Variants in HBEGF observed in about 807,000 individuals in gnomAD.
HBEGF encodes proheparin-binding EGF-like growth factor.
A neutral mutation model predicts 19.5 loss-of-function variants in HBEGF; 8 were observed. The ratio of observed to expected loss-of-function variants is 0.41; its 90% CI spans 0.24 to 0.74. The LOEUF is 0.74. HBEGF is among the 30% of genes least tolerant of loss of function. The probability of loss-of-function intolerance (pLI) is 0.32; values close to 1 mark genes in which losing one functional copy is unlikely to be tolerated. For missense variants in HBEGF, 207 were observed against 256.9 expected (o/e 0.81, Z 1.33); for synonymous variants, 97 against 108.9 (o/e 0.89, Z 0.68).
Position 140,342,636 on chromosome 5 carries a change from T to C in HBEGF, c.397A>G (p.Ile133Val). The C allele has an allele frequency of 1.2e-6, 2 of 1,614,044 alleles. No individual in the cohort carries two copies. The highest frequency in any genetic ancestry group is 2.2e-5 in the South Asian group (2 of 91,080). The change falls in exon 3 of 6, where the codon ATC (isoleucine) becomes GTC (valine). Residue 133 changes from isoleucine (I) to valine (V), a missense_variant and splice_region_variant. This residue lies in a region of HBEGF where 77 missense variants were observed against 106.9 expected (regional missense o/e 0.72). Coordinates refer to ENST00000230990, the MANE Select transcript of HBEGF (RefSeq NM_001945.3). ...CAGCCCTGGGGAAGGGGCACTTACA[T>C]GCAGGAGGGAGCCCGGAGCTCCTTC... ...YVKELRAPSC[I>V]CHPGYHGERC...
chr5:140,344,619 C>T (rs943365780), intron 2 of HBEGF, among the ~76,000 whole-genome samples: 1 of 151,994 alleles, frequency 6.6e-6, no homozygotes, highest in African/African-American at 2.4e-5. Context: ...GAAGTAGGTG[C>T]CAGCAGCCCC....
chr5:140,344,136 TA>T lies in HBEGF; in HGVS notation c.221-1325del, dbSNP rs5871732. 6.0e-3 allele frequency among the ~76,000 whole-genome samples: 825 copies of T among 137,986 alleles called. 1 individual carries two copies. Among genetic ancestry groups the T allele is most frequent in the African/African-American group, 9.5e-3 (356 of 37,590 alleles). 90.5% of individuals were successfully genotyped at this position (137,986 alleles called of 152,430 possible). A position where few individuals can be genotyped will look rare whatever the true frequency, so the allele number is the denominator to read the frequency against. On this transcript the variant is annotated intron_variant, in intron 2 of 5. Transcript: ENST00000230990. ...CTGGGTGACAGAGTGAGACTATGTTTAAAAAAAAAAAAAAGAAAAAAAGAAA... is the reference window on the plus strand; with the variant it reads ...CTGGGTGACAGAGTGAGACTATGTTTAAAAAAAAAAAAAGAAAAAAAGAAA...
At chr5:140,339,157 T>C (rs1182951474) in intron 3 of HBEGF, among the ~76,000 whole-genome samples, 1 of 152,220 alleles carries the variant, frequency 6.6e-6, no homozygotes. Context: ...TTACTGCCCA[T>C]GGCCTGAGGA....
intron 4 of HBEGF, among the ~76,000 whole-genome samples, chr5:140,335,582 A>C (rs1766216198): frequency 6.6e-6 from 1 of 152,070 alleles, no homozygotes; most frequent in Non-Finnish European, 1.5e-5. Flanking sequence ...CAGGAGAAAG[A>C]AATGTGTGAC....
chr5:140,334,801 G>T, intron 4 of HBEGF, 53 bp from the exon 5 acceptor site: 1 of 1,374,570 alleles, frequency 7.3e-7, no homozygotes, highest in Non-Finnish European at 1.0e-6. Context: ...CAAAGTGCAG[G>T]TCCAGAGCAG....
intron 3 of HBEGF, among the ~76,000 whole-genome samples, chr5:140,340,041 C>T (rs1581112735): frequency 6.6e-6 from 1 of 152,338 alleles, no homozygotes; most frequent in Middle Eastern, 3.4e-3. Flanking sequence ...AATCCCAGCA[C>T]TTTGGGAGTC....
chr5:140,341,659 G>T (rs752195588), intron 3 of HBEGF, among the ~76,000 whole-genome samples: 1 of 152,208 alleles, frequency 6.6e-6, no homozygotes, highest in African/African-American at 2.4e-5. Context: ...TGCCAGGCAC[G>T]CCGCCTTCTT....
At chr5:140,345,812 A>G in intron 2 of HBEGF, 99 bp downstream of exon 2, 2 of 1,434,838 alleles carry the variant, frequency 1.4e-6, no homozygotes, top group South Asian at 2.4e-5. Context: ...CTCCATGAAT[A>G]CCCTCAACCC....
intron 3 of HBEGF, among the ~76,000 whole-genome samples, chr5:140,338,362 T>A (rs1456474189): frequency 2.0e-5 from 3 of 152,336 alleles, no homozygotes. Flanking sequence ...GAGGCTTAGC[T>A]TTTGTTAAAC....
At chr5:140,341,452 T>C (rs1313482306) in intron 3 of HBEGF, among the ~76,000 whole-genome samples, 2 of 152,196 alleles carry the variant, frequency 1.3e-5, no homozygotes, top group Non-Finnish European at 2.9e-5. Flanking sequence ...TATGCCACTC[T>C]TAAACAACTC....
chr5:140,343,440 T>G (rs1301220392), intron 2 of HBEGF, among the ~76,000 whole-genome samples: 1 of 152,216 alleles, frequency 6.6e-6, no homozygotes, highest in African/African-American at 2.4e-5. Context: ...CTTTTTCAAC[T>G]TCAAGCAAAA....
intron 3 of HBEGF, among the ~76,000 whole-genome samples, chr5:140,340,648 C>A (rs990549813): frequency 6.6e-6 from 1 of 150,436 alleles, no homozygotes; most frequent in Non-Finnish European, 1.5e-5. Flanking sequence ...AAATTCTGCC[C>A]AAGAAGTTAA....
At chr5:140,338,177 T>C (rs1295984783) in intron 3 of HBEGF, among the ~76,000 whole-genome samples, 1 of 152,218 alleles carries the variant, frequency 6.6e-6, no homozygotes, top group Non-Finnish European at 1.5e-5. Flanking sequence ...CCCTTCTCTC[T>C]GACTATGTTA....
At chr5:140,335,722 T>C in intron 4 of HBEGF, 150 bp downstream of exon 4, 1 of 820,538 alleles carries the variant, frequency 1.2e-6, no homozygotes, top group East Asian at 2.7e-5. Context: ...ATGCCAGAAA[T>C]ACCAGGTTTT....
rs11465458 is a variant in HBEGF at position 140,334,669 on chromosome 5, GTCTC to G, written c.*3_*6del. 4,278 of 1,605,880 alleles carry G rather than the reference GTCTC, an allele frequency of 2.7e-3. 6 individuals are homozygous for G. The highest frequency in any genetic ancestry group is 3.2e-3 in the Non-Finnish European group (3,733 of 1,172,480). ...GGATGGAGCGTTACCTTGAGCACAA[GTCTC>G]TCTCAGTGGGAATTAGTCATGCCCA... On this transcript the variant is annotated 3_prime_UTR_variant, in exon 5 of 6. Coordinates refer to ENST00000230990, the MANE Select transcript of HBEGF (RefSeq NM_001945.3).
chr5:140,345,446 G>A (rs1479877199), intron 2 of HBEGF, among the ~76,000 whole-genome samples: 1 of 152,156 alleles, frequency 6.6e-6, no homozygotes, highest in African/African-American at 2.4e-5. Flanking sequence ...TCCCCAATCT[G>A]GAGACAGGTG....
At chr5:140,334,591 C>T (rs1766199219) in intron 5 of HBEGF, 67 bp downstream of exon 5, 4 of 1,042,296 alleles carry the variant, frequency 3.8e-6, no homozygotes, top group Non-Finnish European at 6.1e-6. Flanking sequence ...ATTCAGCACC[C>T]ACTGAAGCAC....
At chr5:140,342,077 G>A (rs946494460) in intron 3 of HBEGF, among the ~76,000 whole-genome samples, 10 of 152,120 alleles carry the variant, frequency 6.6e-5, no homozygotes, top group East Asian at 1.9e-4. Context: ...CCACCTCCTC[G>A]TCCTTGCTGG....
rs1469255385 is a variant in HBEGF, at chr5:140,342,832, T to C, written c.221-20A>G. 3 of 1,612,762 alleles carry C rather than the reference T, an allele frequency of 1.9e-6. No individual in the cohort carries two copies. The highest frequency in any genetic ancestry group is 2.2e-5 in the South Asian group (2 of 91,044). On this transcript the variant is annotated intron_variant, in intron 2 of 5. Transcript: ENST00000230990. ...AAGTGACTGTAGGAGAAAAGCACTC[T>C]GTTAAAGTCTGACTCTTTGGGAAGA...
Sources: allele counts gnomAD v4.1 joint callset (sites outside exome capture counted in the v4.1 genomes callset), GRCh38; gene constraint gnomAD v4.1.1; regional missense constraint gnomAD v4.1.1; transcripts MANE v1.5; gene names NCBI Gene and HGNC (gene_info 2026-07-23, HGNC 2026-07-21).